The following SAR1B variants were observed in gnomAD, a reference collection of about 807,000 sequenced individuals.
The protein encoded by SAR1B is small COPII coat GTPase SAR1B.
In SAR1B, 23 loss-of-function variants were observed where a neutral mutation model predicts 26.8. The ratio of observed to expected loss-of-function variants is 0.86; its 90% CI spans 0.62 to 1.22. The LOEUF (loss-of-function observed/expected upper bound fraction) is 1.22, where lower values mean the gene tolerates loss of function less well. SAR1B is among the 50% of genes most tolerant of loss of function. The probability of loss-of-function intolerance (pLI) is 0.00; values close to 1 mark genes in which losing one functional copy is unlikely to be tolerated. For synonymous variants in SAR1B, 65 were observed against 80.8 expected, an observed-to-expected ratio of 0.80 and a Z score of 1.05; for missense variants, 196 against 232.8, an observed-to-expected ratio of 0.84 and a Z score of 1.03.
intron 1 of SAR1B, among the ~76,000 whole-genome samples, chr5:134,630,256 G>A (rs995016490): frequency 6.6e-6 from 1 of 151,948 alleles, no homozygotes; most frequent in Non-Finnish European, 1.5e-5. Context: ...GGGAGTTCGA[G>A]ACCAGCCTGA....
intron 2 of SAR1B, among the ~76,000 whole-genome samples, chr5:134,621,426 T>C (rs1198364482): frequency 6.6e-6 from 1 of 151,966 alleles, no homozygotes; most frequent in East Asian, 1.9e-4. Flanking sequence ...TGAGCTGAGA[T>C]CATGCCATTG....
Position 134,629,885 on chromosome 5 carries a change from C to CA in SAR1B, c.-19+2842dup, listed in dbSNP as rs769758227. Among the ~76,000 whole-genome samples the CA allele has an allele frequency of 4.7e-3, 336 of 71,838 alleles. 1 individual carries two copies. Among genetic ancestry groups the CA allele is most frequent in the South Asian group, 0.025 (57 of 2,256 alleles). 47.1% of individuals were successfully genotyped at this position (71,838 alleles called of 152,430 possible). On this transcript the variant is annotated intron_variant, in intron 1 of 6. Coordinates refer to ENST00000402673, the MANE Select transcript of SAR1B (RefSeq NM_016103.4). ...TAGGCAACAGGGCAACATTCTGTCT[C>CA]AAAAAAAAAAAAAAGAAAAAAAAGA...
chr5:134,627,196 A>C (rs1437462367), intron 1 of SAR1B, among the ~76,000 whole-genome samples: 1 of 151,682 alleles, frequency 6.6e-6, no homozygotes, highest in Non-Finnish European at 1.5e-5. Flanking sequence ...GGACTACAGG[A>C]GCCTGCCACC....
intron 1 of SAR1B, among the ~76,000 whole-genome samples, chr5:134,627,804 AT>A: frequency 4.2e-5 from 1 of 23,880 alleles, no homozygotes; most frequent in Admixed American, 4.8e-4. Flanking sequence ...ATCCCAAAAA[AT>A]AAATAAATAA....
At position 134,605,706 on chromosome 5, in the gene SAR1B, G is replaced by A. The variant is rs575944341; in HGVS notation, c.*1244C>T. The A allele has an allele frequency of 8.2e-5, 12 of 145,486 alleles. 1 individual carries two copies. The South Asian group carries it at 2.6e-3, about 32-fold the overall frequency. The allele number at this position is 145,486 out of a possible 1,614,324, so 9.0% of individuals were successfully genotyped here. ...GCCCAACAAACAAAAAGTCTTTGTTGTATGGAGTAAGAACTACCTGAGAGC... is the reference window on the plus strand; with the variant it reads ...GCCCAACAAACAAAAAGTCTTTGTTATATGGAGTAAGAACTACCTGAGAGC... On this transcript the variant is annotated 3_prime_UTR_variant, in exon 7 of 7. Transcript: ENST00000402673.
chr5:134,625,098 G>A (rs977776325), intron 1 of SAR1B, among the ~76,000 whole-genome samples: 10 of 152,184 alleles, frequency 6.6e-5, no homozygotes, highest in Admixed American at 3.9e-4. Context: ...AGATTAGGAG[G>A]AAAGATGGCC....
At chr5:134,608,595 T>G in intron 5 of SAR1B, 92 bp from the exon 6 acceptor site, 1 of 1,355,182 alleles carries the variant, frequency 7.4e-7, no homozygotes, top group Non-Finnish European at 1.0e-6. Context: ...GGACTCATTT[T>G]CTACCATATC....
chr5:134,609,553 T>C lies in SAR1B; in HGVS notation c.348+18A>G. On this transcript the variant is annotated intron_variant, in intron 5 of 6. Coordinates refer to ENST00000402673, the MANE Select transcript of SAR1B (RefSeq NM_016103.4). ...CCAGAGTGATTTGACTATATTTAGTTTCAGTTATTTAACTTACATCAAGTT... is the reference window on the plus strand; with the variant it reads ...CCAGAGTGATTTGACTATATTTAGTCTCAGTTATTTAACTTACATCAAGTT... The C allele has an allele frequency of 1.3e-6, 2 of 1,590,542 alleles. No homozygotes were observed. Among genetic ancestry groups the C allele is most frequent in the Non-Finnish European group, 1.7e-6 (2 of 1,158,514 alleles).
At chr5:134,612,792 T>G in intron 3 of SAR1B, 36 bp from the exon 4 acceptor site, 1 of 1,557,330 alleles carries the variant, frequency 6.4e-7, no homozygotes, top group South Asian at 1.2e-5. Context: ...ACATGAAAAT[T>G]AGAAACCCAT....
chr5:134,605,445 A>C lies in SAR1B; in HGVS notation c.*1505T>G, dbSNP rs2150048478. On this transcript the variant is annotated 3_prime_UTR_variant, in exon 7 of 7. Transcript: ENST00000402673. ...AAATTATAATGCTTTTGAAAAACTA[A>C]AATTTTCTTAGTAAGCCTAGCAATG... 6.6e-6 allele frequency: 1 copy of C among 152,206 alleles called. No individual in the cohort carries two copies. Among genetic ancestry groups the C allele is most frequent in the East Asian group, 1.9e-4 (1 of 5,188 alleles). The allele number at this position is 152,206 out of a possible 1,614,324, so 9.4% of individuals were successfully genotyped here.
chr5:134,620,358 G>A (rs777633981), intron 3 of SAR1B, among the ~76,000 whole-genome samples: 3 of 151,970 alleles, frequency 2.0e-5, no homozygotes, highest in Admixed American at 6.6e-5. Context: ...CAAGGCGATG[G>A]TGGACTATTT....
In SAR1B at chr5:134,612,811, T is replaced by C. The variant is rs187084382; in HGVS notation, c.179-55A>G. ...GAAAATTAGAAACCCATTAATCGTG[T>C]AAAAAGTAAAGTAGAGGTTCCTTTT... On this transcript the variant is annotated intron_variant, in intron 3 of 6. Coordinates refer to ENST00000402673, the MANE Select transcript of SAR1B (RefSeq NM_016103.4). The C allele has an allele frequency of 3.9e-4, 580 of 1,500,232 alleles. 3 individuals carry two copies. The African/African-American group carries it at 7.2e-3, about 19-fold the overall frequency. 92.9% of individuals were successfully genotyped at this position (1,500,232 alleles called of 1,614,324 possible). A position where few individuals can be genotyped will look rare whatever the true frequency, so the allele number is the denominator to read the frequency against.
At position 134,604,594 on chromosome 5, in the gene SAR1B, CG is replaced by C. The variant is rs1162241708; in HGVS notation, c.*2355del. The C allele has an allele frequency of 4.6e-5, 7 of 152,098 alleles. No individual in the cohort carries two copies. Among genetic ancestry groups the C allele is most frequent in the African/African-American group, 1.7e-4 (7 of 41,418 alleles). 9.4% of individuals were successfully genotyped at this position (152,098 alleles called of 1,614,324 possible). Reference sequence around the variant, plus strand: ...AAACATGGCTTCCTTTCTAGAGGCTCGGGCCATAAAAATCTTATGTCTTTGG... The same window carrying C: ...AAACATGGCTTCCTTTCTAGAGGCTCGGCCATAAAAATCTTATGTCTTTGG... On this transcript the variant is annotated 3_prime_UTR_variant, in exon 7 of 7. Coordinates refer to ENST00000402673, the MANE Select transcript of SAR1B (RefSeq NM_016103.4).
chr5:134,626,767 TA>T (rs1765501307), intron 1 of SAR1B, among the ~76,000 whole-genome samples: 1 of 152,166 alleles, frequency 6.6e-6, no homozygotes. Context: ...AGAGTAAGTA[TA>T]TTAGTGGTTG....
chr5:134,625,846 G>C (rs972968616), intron 1 of SAR1B: 8 of 152,124 alleles, frequency 5.3e-5, no homozygotes, highest in African/African-American at 1.9e-4. Context: ...GATGATTGTT[G>C]GTAGGTGAGA....
chr5:134,625,591 C>T (rs1203637855), intron 1 of SAR1B, among the ~76,000 whole-genome samples: 1 of 152,052 alleles, frequency 6.6e-6, no homozygotes, highest in Non-Finnish European at 1.5e-5. Flanking sequence ...GAAAGGAGTG[C>T]CAGAATTGTG....
In SAR1B at chr5:134,621,339, G is replaced by A. The variant is rs565028360; in HGVS notation, c.59-287C>T. Among the ~76,000 whole-genome samples the A allele has an allele frequency of 7.2e-5, 11 of 152,078 alleles. No individual in the cohort carries two copies. In the East Asian group the frequency reaches 7.7e-4, roughly 11 times the overall value. On this transcript the variant is annotated intron_variant, in intron 2 of 6. Coordinates refer to ENST00000402673, the MANE Select transcript of SAR1B (RefSeq NM_016103.4). The stretch of plus-strand genomic sequence containing the variant: ...ACAAAAATTAGCCAGGTGTGGTGGC[G>A]CATGCCTGTAATCCCAGCTACTTGG...
At chr5:134,613,919 A>C (rs1346212092) in intron 3 of SAR1B, 2 of 152,148 alleles carry the variant, frequency 1.3e-5, no homozygotes, top group Admixed American at 1.3e-4. Flanking sequence ...TCTGTGCTTC[A>C]TTCTGGAGTT....
chr5:134,628,895 C>T (rs1484593566), intron 1 of SAR1B, among the ~76,000 whole-genome samples: 3 of 152,020 alleles, frequency 2.0e-5, no homozygotes, highest in Non-Finnish European at 4.4e-5. Flanking sequence ...ACCTCGAGAT[C>T]CACTCGCCTC....
Sources: gnomAD v4.1 joint callset for allele counts (sites outside exome capture counted in the v4.1 genomes callset) on GRCh38, gnomAD v4.1.1 for gene constraint, MANE v1.5 for transcripts, NCBI Gene and HGNC (gene_info 2026-07-23, HGNC 2026-07-21) for gene names.